Variants in NR3C1 observed in about 807,000 individuals in gnomAD.
NR3C1 encodes the protein nuclear receptor subfamily 3 group C member 1, also known as glucocorticoid receptor.
In NR3C1, 14 loss-of-function variants were observed where a neutral mutation model predicts 74.0. The ratio of observed to expected loss-of-function variants is 0.19; its 90% CI spans 0.12 to 0.30. The LOEUF (loss-of-function observed/expected upper bound fraction) is 0.30. NR3C1 is among the 10% of genes least tolerant of loss of function. The probability of loss-of-function intolerance (pLI) is 1.00; values close to 1 mark genes in which losing one functional copy is unlikely to be tolerated. For missense variants in NR3C1, 695 were observed against 909.8 expected (o/e 0.76, Z 3.04); for synonymous variants, 308 against 332.5 (o/e 0.93, Z 0.80).
At chr5:143,294,387 C>G in intron 7 of NR3C1, 1 of 854,750 alleles carries the variant, frequency 1.2e-6, no homozygotes, top group Non-Finnish European at 1.4e-6. Flanking sequence ...CCAACTAGTT[C>G]ATAGAGCTTT....
intron 2 of NR3C1, among the ~76,000 whole-genome samples, chr5:143,352,667 T>A (rs1830439935): frequency 6.6e-6 from 1 of 152,250 alleles, no homozygotes; most frequent in East Asian, 1.9e-4. Flanking sequence ...GTTATATTTA[T>A]ACTATACTGT....
rs532979864 is a variant in NR3C1 at position 143,346,792 on chromosome 5, G to A, written c.1185-32624C>T. On this transcript the variant is annotated intron_variant, in intron 2 of 8. Transcript: ENST00000394464. ...ATTAGCTGTCTTAAAAACTAAAAACGTAGCATGCCATTGTTCAATTTAGGA... is the reference window on the plus strand; with the variant it reads ...ATTAGCTGTCTTAAAAACTAAAAACATAGCATGCCATTGTTCAATTTAGGA... Among the ~76,000 whole-genome samples the A allele has an allele frequency of 1.6e-4, 24 of 152,244 alleles. No individual in the cohort carries two copies. In the South Asian group the frequency reaches 4.8e-3, roughly 30 times the overall value.
At chr5:143,348,090 C>T in intron 2 of NR3C1, among the ~76,000 whole-genome samples, 1 of 152,172 alleles carries the variant, frequency 6.6e-6, no homozygotes, top group Non-Finnish European at 1.5e-5. Context: ...CTCTGGGCCT[C>T]CAAGGTTTCT....
chr5:143,344,669 T>G (rs1055368895), intron 2 of NR3C1, among the ~76,000 whole-genome samples: 1 of 152,184 alleles, frequency 6.6e-6, no homozygotes, highest in African/African-American at 2.4e-5. Flanking sequence ...GGTCAGGAGT[T>G]CCAGACCAGC....
intron 2 of NR3C1, chr5:143,332,785 T>C (rs574762863): frequency 1.2e-4 from 191 of 1,571,220 alleles, no homozygotes; most frequent in Middle Eastern, 3.3e-4. Context: ...ATCGAAAGGA[T>C]TGATGGCGTG....
At position 143,298,783 on chromosome 5, in the gene NR3C1, T is replaced by G; in HGVS notation, c.1777A>C (p.Met593Leu). The change falls in exon 6 of 9, where the codon ATG becomes CTG. Residue 593 changes from methionine (M) to leucine (L), a missense_variant. Met to Leu is a conservative substitution (Grantham distance 15). Transcript: ENST00000394464. The part of the protein sequence containing the change: ...GFRNLHLDDQ[M>L]TLLQYSWMFL... ...ATCCAGGAGTACTGCAGTAGGGTCA[T>G]TTGGTCATCCAGGTGTAAGTTCCTG... 1 of 1,613,554 alleles carries G rather than the reference T, an allele frequency of 6.2e-7. No homozygotes were observed. The highest frequency in any genetic ancestry group is 8.5e-7 in the Non-Finnish European group (1 of 1,179,796).
chr5:143,344,903 G>GA (rs914971671), intron 2 of NR3C1, among the ~76,000 whole-genome samples: 4 of 151,618 alleles, frequency 2.6e-5, no homozygotes, highest in Non-Finnish European at 4.4e-5. Flanking sequence ...ACAAAAAAAA[G>GA]AAAAAAAACT....
intron 4 of NR3C1, among the ~76,000 whole-genome samples, chr5:143,308,376 A>G (rs1279153471): frequency 6.6e-6 from 1 of 152,158 alleles, no homozygotes; most frequent in African/African-American, 2.4e-5. Flanking sequence ...GGGTGGGAAG[A>G]TGGCTTGAGT....
upstream of NR3C1, chr5:143,405,266 A>C: frequency 2.0e-6 from 2 of 985,732 alleles, no homozygotes; most frequent in Non-Finnish European, 2.4e-6. Flanking sequence ...CCAGCTCCTG[A>C]CACGGGCGGG....
rs117379121 is a variant in NR3C1, at chr5:143,357,317, T to C, written c.1184+42339A>G. Among the ~76,000 whole-genome samples the C allele has an allele frequency of 1.0e-3, 155 of 152,338 alleles. 3 individuals carry two copies. In the East Asian group the frequency reaches 0.022, roughly 22 times the overall value. On this transcript the variant is annotated intron_variant, in intron 2 of 8. Transcript: ENST00000394464. ...AGATAAATTTCTAGCTTCCACTTTC[T>C]CTTTAAATTTTAACCAATGGGAAAA...
intron 2 of NR3C1, among the ~76,000 whole-genome samples, chr5:143,373,622 A>G (rs1299754991): frequency 6.6e-6 from 1 of 152,236 alleles, no homozygotes; most frequent in Admixed American, 6.5e-5. Flanking sequence ...ATAAAAAAAA[A>G]AGACTACATT....
Position 143,341,324 on chromosome 5 carries a change from T to TA in NR3C1, c.1185-27157_1185-27156insT, listed in dbSNP as rs548062171. Among the ~76,000 whole-genome samples the TA allele has an allele frequency of 1.6e-3, 243 of 152,344 alleles. 3 individuals carry two copies. The South Asian group carries it at 0.023, about 15-fold the overall frequency. ...TTTATGAGGTTCTCATTTCAGTACT[T>TA]TAAAAAATTAACGGTAAATGGCCCC... On this transcript the variant is annotated intron_variant, in intron 2 of 8. Coordinates refer to ENST00000394464, the MANE Select transcript of NR3C1 (RefSeq NM_000176.3).
chr5:143,435,456 A>T (rs1752059878), exon 1 of NR3C1: 1 of 985,380 alleles, frequency 1.0e-6, no homozygotes, highest in South Asian at 4.7e-5. Flanking sequence ...GAGAGGGAGC[A>T]AGAGAAGAGG....
At chr5:143,421,689 G>A (rs768550721) in intron 1 of NR3C1, among the ~76,000 whole-genome samples, 7 of 152,098 alleles carry the variant, frequency 4.6e-5, no homozygotes, top group Non-Finnish European at 8.8e-5. Flanking sequence ...CCACTTGGGA[G>A]GCTGAGGCAG....
chr5:143,358,083 T>G (rs1255177348), intron 2 of NR3C1, among the ~76,000 whole-genome samples: 2 of 152,240 alleles, frequency 1.3e-5, no homozygotes, highest in Non-Finnish European at 1.5e-5. Context: ...TACTACTGAA[T>G]AGGAAGTTTA....
chr5:143,335,780 C>A (rs1231916307), intron 2 of NR3C1, among the ~76,000 whole-genome samples: 1 of 152,190 alleles, frequency 6.6e-6, no homozygotes, highest in Non-Finnish European at 1.5e-5. Context: ...CGTTATTGGT[C>A]ATTCTTTGGT....
intron 5 of NR3C1, among the ~76,000 whole-genome samples, chr5:143,299,252 G>A (rs1209265070): frequency 6.6e-6 from 1 of 151,134 alleles, no homozygotes; most frequent in Non-Finnish European, 1.5e-5. Context: ...GACCTCAACT[G>A]ATCCACCCAC....
In NR3C1 at chr5:143,383,360, A is replaced by G. The variant is rs1449013836; in HGVS notation, c.1184+16296T>C. ...TTGCTTCCTCTGTGGTTCTTTGTTC[A>G]AACAGCCCTACCTAAATTGAGTACC... On this transcript the variant is annotated intron_variant, in intron 2 of 8. Coordinates refer to ENST00000394464, the MANE Select transcript of NR3C1 (RefSeq NM_000176.3). 3.3e-5 allele frequency among the ~76,000 whole-genome samples: 5 copies of G among 152,360 alleles called. No individual in the cohort carries two copies. The East Asian group carries it at 9.6e-4, about 29-fold the overall frequency.
chr5:143,287,365 C>G (rs552757513), intron 7 of NR3C1, among the ~76,000 whole-genome samples: 1 of 152,056 alleles, frequency 6.6e-6, no homozygotes, highest in Non-Finnish European at 1.5e-5. Flanking sequence ...CTCTATGGAT[C>G]CTACAAAACT....
Sources: allele counts gnomAD v4.1 joint callset (sites outside exome capture counted in the v4.1 genomes callset), GRCh38; gene constraint gnomAD v4.1.1; transcripts MANE v1.5; gene names NCBI Gene and HGNC (gene_info 2026-07-23, HGNC 2026-07-21).